Variants in QTMAN observed in about 807,000 individuals in gnomAD.
QTMAN encodes the protein queuosine-tRNA mannosyltransferase.
At chr2:144,140,389 G>C in the QTMAN span, among the ~76,000 whole-genome samples, 1 of 151,838 alleles carries the variant, frequency 6.6e-6, no homozygotes, top group South Asian at 2.1e-4. Context: ...TACTCACTTA[G>C]AGATATACAT....
the QTMAN span, among the ~76,000 whole-genome samples, chr2:144,191,272 T>C: frequency 4.6e-5 from 7 of 152,190 alleles, no homozygotes; most frequent in Non-Finnish European, 8.8e-5. Flanking sequence ...CACCTTATTC[T>C]CTGTACTGAA....
the QTMAN span, among the ~76,000 whole-genome samples, chr2:144,136,440 G>GGAA: frequency 6.7e-6 from 1 of 150,106 alleles, no homozygotes; most frequent in East Asian, 1.9e-4. Context: ...GAAAGGAAAA[G>GGAA]AAAGGAAAGG....
the QTMAN span, among the ~76,000 whole-genome samples, chr2:144,212,478 A>G: frequency 6.6e-6 from 1 of 152,102 alleles, no homozygotes; most frequent in Non-Finnish European, 1.5e-5. Context: ...AACAACAAGA[A>G]CAACAAAAAC....
chr2:144,019,306 G>A, the QTMAN span, among the ~76,000 whole-genome samples: 1 of 152,022 alleles, frequency 6.6e-6, no homozygotes, highest in Non-Finnish European at 1.5e-5. Context: ...AGGCATACAA[G>A]GATAAAATGA....
the QTMAN span, among the ~76,000 whole-genome samples, chr2:143,961,139 CACAAATGTA>C: frequency 6.6e-6 from 1 of 152,110 alleles, no homozygotes; most frequent in African/African-American, 2.4e-5. Flanking sequence ...GTTTCCATTT[CACAAATGTA>C]ACAATTTAGC....
At chr2:144,323,028 T>A in the QTMAN span, among the ~76,000 whole-genome samples, 3 of 152,224 alleles carry the variant, frequency 2.0e-5, no homozygotes, top group South Asian at 6.2e-4. Context: ...GTTTGAATTT[T>A]ATCATTGGCA....
chr2:143,939,667 A>T, the QTMAN span: 1 of 152,178 alleles, frequency 6.6e-6, no homozygotes, highest in African/African-American at 2.4e-5. Flanking sequence ...ACCCATTAAG[A>T]ATTCTGTAAT....
the QTMAN span, among the ~76,000 whole-genome samples, chr2:144,034,250 T>A: frequency 2.8e-4 from 42 of 152,298 alleles, no homozygotes; most frequent in Admixed American, 2.5e-3. Context: ...CTGGACATAG[T>A]AATGCAAGAC....
chr2:144,095,674 A>T, the QTMAN span, among the ~76,000 whole-genome samples: 1 of 152,116 alleles, frequency 6.6e-6, no homozygotes, highest in Non-Finnish European at 1.5e-5. Flanking sequence ...GGTTAAAAAG[A>T]TCTTAAATCT....
chr2:144,301,016 C>A, the QTMAN span, among the ~76,000 whole-genome samples: 2 of 152,040 alleles, frequency 1.3e-5, no homozygotes, highest in South Asian at 4.2e-4. Flanking sequence ...TTACCAAAGG[C>A]TAGTACATTG....
the QTMAN span, among the ~76,000 whole-genome samples, chr2:144,174,858 A>T: frequency 6.6e-6 from 1 of 152,206 alleles, no homozygotes; most frequent in African/African-American, 2.4e-5. Context: ...TTTCTTTATA[A>T]ATTACCCAGT....
At chr2:144,141,790 A>C in the QTMAN span, 5 of 939,964 alleles carry the variant, frequency 5.3e-6, no homozygotes, top group Non-Finnish European at 8.1e-6. Context: ...ACTTATGCTA[A>C]AAAGTTAAAA....
chr2:144,214,794 T>C, the QTMAN span, among the ~76,000 whole-genome samples: 1 of 152,234 alleles, frequency 6.6e-6, no homozygotes, highest in African/African-American at 2.4e-5. Context: ...TTTAAAGCTA[T>C]TTTCAAATGT....
At chr2:144,055,373 C>G in the QTMAN span, among the ~76,000 whole-genome samples, 1 of 149,132 alleles carries the variant, frequency 6.7e-6, no homozygotes, top group African/African-American at 2.5e-5. Context: ...ACACACCCCT[C>G]TGAGAGTTTT....
the QTMAN span, among the ~76,000 whole-genome samples, chr2:144,133,284 C>CAT: frequency 2.4e-5 from 1 of 41,918 alleles, no homozygotes; most frequent in Non-Finnish European, 4.3e-5. Flanking sequence ...TTTATATATA[C>CAT]ATATATAAAT....
At chr2:143,947,126 C>T in the QTMAN span, 39 of 1,612,044 alleles carry the variant, frequency 2.4e-5, no homozygotes, top group South Asian at 4.4e-5. Flanking sequence ...GAAAACGGAG[C>T]GATTTCACCC....
the QTMAN span, among the ~76,000 whole-genome samples, chr2:144,140,418 T>TA: frequency 6.6e-6 from 1 of 151,994 alleles, no homozygotes; most frequent in Admixed American, 6.6e-5. Flanking sequence ...TATGTGATAT[T>TA]AAAAAAACTT....
chr2:144,240,392 A>G, the QTMAN span, among the ~76,000 whole-genome samples: 1 of 152,078 alleles, frequency 6.6e-6, no homozygotes, highest in African/African-American at 2.4e-5. Context: ...AGAAAAAATG[A>G]CTCCTTTATC....
At chr2:144,010,231 C>T in the QTMAN span, among the ~76,000 whole-genome samples, 1 of 151,936 alleles carries the variant, frequency 6.6e-6, no homozygotes, top group South Asian at 2.1e-4. Flanking sequence ...GGGTTGTAAA[C>T]AACAGGAATT....
Sources: gnomAD v4.1 joint callset for allele counts (sites outside exome capture counted in the v4.1 genomes callset) on GRCh38, gnomAD v4.1.1 for gene constraint, MANE v1.5 for transcripts, NCBI Gene and HGNC (gene_info 2026-07-23, HGNC 2026-07-21) for gene names.